Variants in CRYZ observed in about 807,000 individuals in gnomAD.
CRYZ encodes the protein crystallin zeta, also known as zeta-crystallin.
Under a neutral mutation model 34.1 loss-of-function variants are expected in CRYZ, and 35 were observed. That is an observed-to-expected ratio of 1.03 (90% CI 0.78 to 1.36). CRYZ has a LOEUF of 1.36. Among genes scored for constraint, CRYZ ranks in the 40% most tolerant of loss-of-function variants. CRYZ has a pLI of 0.00. For missense variants in CRYZ, 403 were observed against 391.8 expected, an observed-to-expected ratio of 1.03 and a Z score of -0.24; for synonymous variants, 137 against 136.5, an observed-to-expected ratio of 1.00 and a Z score of -0.03.
Position 74,706,918 on chromosome 1 carries a change from G to A in CRYZ, c.809C>T (p.Thr270Ile). The change falls in exon 8 of 9, where the codon ACT becomes ATT. Residue 270 changes from threonine to isoleucine, a missense_variant. By Grantham distance (89) the Thr-to-Ile change is moderately conservative. Coordinates refer to ENST00000340866, the MANE Select transcript of CRYZ (RefSeq NM_001889.4). ...TCCTACCTTGGTTGAGGAAAAGAGAGTAACTCCAATTATACTCGACTCCTT... is the reference window on the plus strand; with the variant it reads ...TCCTACCTTGGTTGAGGAAAAGAGAATAACTCCAATTATACTCGACTCCTT... ...MAKESSIIGV[T>I]LFSSTKEEFQ... The A allele has an allele frequency of 6.2e-7, 1 of 1,612,694 alleles. No individual in the cohort carries two copies. Among genetic ancestry groups the A allele is most frequent in the Non-Finnish European group, 8.5e-7 (1 of 1,179,108 alleles).
At chr1:74,727,350 C>A (rs1181329383) in intron 1 of CRYZ, among the ~76,000 whole-genome samples, 1 of 147,828 alleles carries the variant, frequency 6.8e-6, no homozygotes, top group Admixed American at 6.9e-5. Context: ...GCACAACTTG[C>A]ATGGTGGCAG....
intron 6 of CRYZ, among the ~76,000 whole-genome samples, chr1:74,709,159 A>G (rs889921936): frequency 2.0e-5 from 3 of 152,136 alleles, no homozygotes; most frequent in African/African-American, 7.2e-5. Flanking sequence ...GAGAAAGGGG[A>G]GTAAGATAAA....
rs751296247 is a variant in CRYZ, at chr1:74,707,226, T to C, written c.631-22A>G. On this transcript the variant is annotated intron_variant, in intron 6 of 8. Coordinates refer to ENST00000340866, the MANE Select transcript of CRYZ (RefSeq NM_001889.4). ...ACTTCTATATAATAAAAGAGAAATG[T>C]AGAGTAAGATAGCAAGTGAAAAACT... The C allele has an allele frequency of 1.3e-5, 17 of 1,288,662 alleles. No homozygotes were observed. In the African/African-American group the frequency reaches 2.3e-4, roughly 17 times the overall value. The allele number at this position is 1,288,662 out of a possible 1,614,324, so 79.8% of individuals were successfully genotyped here. A position where few individuals can be genotyped will look rare whatever the true frequency, so the allele number is the denominator to read the frequency against.
At position 74,719,231 on chromosome 1, in the gene CRYZ, C is replaced by G. The variant is rs1251984253; in HGVS notation, c.406G>C (p.Ala136Pro). 5.6e-6 allele frequency: 9 copies of G among 1,613,616 alleles called. No individual in the cohort carries two copies. The highest frequency in any genetic ancestry group is 7.6e-6 in the Non-Finnish European group (9 of 1,179,722). ...TACCTGTGGATCAGAGCTCGATAAG[C>G]AGTAAAATATGGAATGCCGATGGCA... ...GAAIGIPYFT[A>P]YRALIHSACV... Residue 136 changes from alanine to proline, a missense_variant, in exon 4 of 9, where the codon GCT (alanine) becomes CCT (proline). Transcript: ENST00000340866.
chr1:74,723,577 G>A (rs1172782471), intron 2 of CRYZ, among the ~76,000 whole-genome samples: 1 of 152,238 alleles, frequency 6.6e-6, no homozygotes, highest in Non-Finnish European at 1.5e-5. Context: ...TACACAGAAA[G>A]AGTGGTACTT....
intron 1 of CRYZ, among the ~76,000 whole-genome samples, chr1:74,725,348 A>C (rs987773428): frequency 6.6e-6 from 1 of 152,218 alleles, no homozygotes; most frequent in Non-Finnish European, 1.5e-5. Context: ...GAGGTCTCAC[A>C]ATCATGGTGG....
intron 6 of CRYZ, among the ~76,000 whole-genome samples, chr1:74,709,653 G>C (rs895938648): frequency 6.6e-6 from 1 of 152,188 alleles, no homozygotes; most frequent in African/African-American, 2.4e-5. Context: ...ATGCAGTAGT[G>C]ATTATTCCTC....
intron 3 of CRYZ, among the ~76,000 whole-genome samples, chr1:74,720,153 C>T (rs957226197): frequency 6.6e-6 from 1 of 151,958 alleles, no homozygotes; most frequent in Non-Finnish European, 1.5e-5. Context: ...TTATTTTTGT[C>T]CAAAATGCTA....
intron 3 of CRYZ, among the ~76,000 whole-genome samples, chr1:74,719,582 G>A (rs945981454): frequency 2.6e-5 from 4 of 151,300 alleles, no homozygotes; most frequent in Non-Finnish European, 2.9e-5. Context: ...TGCAACCTCC[G>A]CCTCCTGGGT....
At chr1:74,727,931 A>C (rs1457972328) in intron 1 of CRYZ, among the ~76,000 whole-genome samples, 1 of 152,192 alleles carries the variant, frequency 6.6e-6, no homozygotes, top group Non-Finnish European at 1.5e-5. Context: ...CTATAACCAT[A>C]AATTTAGTAC....
At chr1:74,718,658 C>G (rs1443731216) in intron 4 of CRYZ, among the ~76,000 whole-genome samples, 1 of 152,044 alleles carries the variant, frequency 6.6e-6, no homozygotes, top group Admixed American at 6.6e-5. Context: ...TCTAGTTACC[C>G]TTCCTGAGGT....
In CRYZ at chr1:74,708,894, A is replaced by G. The variant is rs533396675; in HGVS notation, c.630+1204T>C. On this transcript the variant is annotated intron_variant, in intron 6 of 8. Coordinates refer to ENST00000340866, the MANE Select transcript of CRYZ (RefSeq NM_001889.4). ...TAATATGAAGAGGGCGGAGATTGAA[A>G]GTGAAAAGTCAGGAAAGTAAGAAGA... 2.0e-5 allele frequency: 3 copies of G among 152,290 alleles called. No individual in the cohort carries two copies. The East Asian group carries it at 5.8e-4, about 29-fold the overall frequency. 9.4% of individuals were successfully genotyped at this position (152,290 alleles called of 1,614,324 possible). A position where few individuals can be genotyped will look rare whatever the true frequency, so the allele number is the denominator to read the frequency against.
intron 1 of CRYZ, among the ~76,000 whole-genome samples, chr1:74,732,604 G>C (rs1162327908): frequency 4.2e-4 from 6 of 14,368 alleles, no homozygotes; most frequent in East Asian, 0.013. Context: ...TGGCGGGGGG[G>C]GGGGGGGGGG....
At chr1:74,727,460 A>AC (rs1647417454) in intron 1 of CRYZ, among the ~76,000 whole-genome samples, 1 of 1,686 alleles carries the variant, frequency 5.9e-4, no homozygotes, top group Non-Finnish European at 2.8e-3. Context: ...AAAAAATACA[A>AC]AAAAAAAAAA....
At chr1:74,730,566 G>C (rs891800669) in intron 1 of CRYZ, 1 of 152,192 alleles carries the variant, frequency 6.6e-6, no homozygotes, top group Admixed American at 6.5e-5. Flanking sequence ...AGAACAGGTA[G>C]AGAAGTTATT....
intron 5 of CRYZ, 21 bp downstream of exon 5, chr1:74,714,558 T>C: frequency 6.2e-7 from 1 of 1,611,386 alleles, no homozygotes; most frequent in Non-Finnish European, 8.5e-7. Context: ...TGTTTCAAAA[T>C]ACATTAAAAA....
chr1:74,713,541 T>C (rs1647031825), intron 5 of CRYZ, among the ~76,000 whole-genome samples: 1 of 152,190 alleles, frequency 6.6e-6, no homozygotes, highest in African/African-American at 2.4e-5. Flanking sequence ...TGTGAAATCC[T>C]TTAGAATTGA....
At chr1:74,712,417 C>T (rs2100699520) in intron 5 of CRYZ, among the ~76,000 whole-genome samples, 1 of 152,236 alleles carries the variant, frequency 6.6e-6, no homozygotes, top group Admixed American at 6.5e-5. Context: ...GCAAAATCAC[C>T]CGCTACTCAT....
intron 6 of CRYZ, among the ~76,000 whole-genome samples, chr1:74,709,572 T>C (rs1424030804): frequency 2.0e-5 from 3 of 152,196 alleles, no homozygotes; most frequent in Non-Finnish European, 2.9e-5. Context: ...ATAGTACAAG[T>C]GAAGAACTTC....
Sources: allele counts gnomAD v4.1 joint callset (sites outside exome capture counted in the v4.1 genomes callset), GRCh38; gene constraint gnomAD v4.1.1; transcripts MANE v1.5; gene names NCBI Gene and HGNC (gene_info 2026-07-23, HGNC 2026-07-21).